SPMIP2: variants seen among roughly 807,000 people sequenced by gnomAD.
The protein encoded by SPMIP2 is protein SPMIP2.
At chr4:159,077,004 T>A in the SPMIP2 span, among the ~76,000 whole-genome samples, 1 of 151,796 alleles carries the variant, frequency 6.6e-6, no homozygotes, top group African/African-American at 2.4e-5. Context: ...CCTGGGTAAT[T>A]TTTGTATTTT....
chr4:159,056,253 C>A, the SPMIP2 span, among the ~76,000 whole-genome samples: 1 of 152,186 alleles, frequency 6.6e-6, no homozygotes, highest in Non-Finnish European at 1.5e-5. Flanking sequence ...AACACTGTTT[C>A]TTTGACAGAT....
chr4:158,946,790 T>G, the SPMIP2 span, among the ~76,000 whole-genome samples: 1 of 152,216 alleles, frequency 6.6e-6, no homozygotes, highest in Admixed American at 6.5e-5. Context: ...TGATCAATCA[T>G]GTATTAGGCT....
At chr4:159,021,481 C>T in the SPMIP2 span, among the ~76,000 whole-genome samples, 1 of 152,170 alleles carries the variant, frequency 6.6e-6, no homozygotes, top group African/African-American at 2.4e-5. Context: ...CTTATTTAAC[C>T]ATGATTAATG....
At chr4:159,007,430 GC>G in the SPMIP2 span, 1 of 671,386 alleles carries the variant, frequency 1.5e-6, no homozygotes, top group Admixed American at 1.8e-5. Flanking sequence ...GTTCCTGCTT[GC>G]CCTGGTTAAG....
the SPMIP2 span, among the ~76,000 whole-genome samples, chr4:158,982,355 G>A: frequency 6.6e-6 from 1 of 152,090 alleles, no homozygotes; most frequent in Admixed American, 6.6e-5. Flanking sequence ...ACTTGAACTC[G>A]GCTCTGGACG....
chr4:159,070,113 T>C, the SPMIP2 span, among the ~76,000 whole-genome samples: 8 of 151,974 alleles, frequency 5.3e-5, no homozygotes, highest in Admixed American at 3.9e-4. Context: ...GGACAGATGG[T>C]TCTTATTACA....
At chr4:159,019,935 G>A in the SPMIP2 span, among the ~76,000 whole-genome samples, 3 of 151,986 alleles carry the variant, frequency 2.0e-5, no homozygotes, top group Admixed American at 6.6e-5. Flanking sequence ...TAAATGGGCC[G>A]GGCACGGTGG....
the SPMIP2 span, among the ~76,000 whole-genome samples, chr4:158,982,825 AG>A: frequency 6.6e-6 from 1 of 152,208 alleles, no homozygotes; most frequent in Non-Finnish European, 1.5e-5. Context: ...GACTTTGACA[AG>A]TTGAGAGAAG....
At chr4:158,928,477 T>C in the SPMIP2 span, among the ~76,000 whole-genome samples, 6 of 152,118 alleles carry the variant, frequency 3.9e-5, 1 homozygote, top group East Asian at 1.2e-3. Flanking sequence ...AACCTTTGTG[T>C]CCACACTCTG....
At chr4:159,021,241 C>T in the SPMIP2 span, among the ~76,000 whole-genome samples, 1 of 152,240 alleles carries the variant, frequency 6.6e-6, no homozygotes, top group East Asian at 1.9e-4. Context: ...CTTCTAGAGT[C>T]ATCCTCCAAA....
the SPMIP2 span, among the ~76,000 whole-genome samples, chr4:158,926,452 G>A: frequency 6.6e-6 from 1 of 151,690 alleles, no homozygotes; most frequent in African/African-American, 2.4e-5. Flanking sequence ...GGTTATTTAA[G>A]TTTATTGTTT....
chr4:158,943,340 T>C, the SPMIP2 span, among the ~76,000 whole-genome samples: 14 of 152,194 alleles, frequency 9.2e-5, no homozygotes, highest in South Asian at 2.1e-4. Context: ...TCCTATATCA[T>C]GGTGGCTTAA....
the SPMIP2 span, among the ~76,000 whole-genome samples, chr4:158,984,244 A>T: frequency 2.6e-5 from 1 of 37,994 alleles, no homozygotes; most frequent in African/African-American, 7.9e-5. Flanking sequence ...GTTAACAAGG[A>T]TACCCAGGAA....
chr4:158,925,491 A>C, the SPMIP2 span, among the ~76,000 whole-genome samples: 2 of 152,174 alleles, frequency 1.3e-5, no homozygotes, highest in Non-Finnish European at 2.9e-5. Context: ...GTTTCATGGA[A>C]GACAATTTTT....
the SPMIP2 span, among the ~76,000 whole-genome samples, chr4:159,048,771 G>A: frequency 3.1e-5 from 3 of 97,950 alleles, no homozygotes; most frequent in Non-Finnish European, 3.8e-5. Flanking sequence ...GTGTCCCTAT[G>A]TTGCCCAGGT....
the SPMIP2 span, among the ~76,000 whole-genome samples, chr4:158,959,593 A>T: frequency 1.3e-5 from 2 of 152,198 alleles, 1 homozygote; most frequent in Admixed American, 1.3e-4. Context: ...TTCAACAATT[A>T]AAAGTGAAGT....
At chr4:158,948,128 T>C in the SPMIP2 span, among the ~76,000 whole-genome samples, 35,147 of 152,084 alleles carry the variant, frequency 0.23, 4,435 homozygotes, top group Non-Finnish European at 0.29. Flanking sequence ...CCTGTCTGAA[T>C]TGAAAGTTCC....
the SPMIP2 span, among the ~76,000 whole-genome samples, chr4:158,952,917 G>A: frequency 1.3e-5 from 2 of 152,242 alleles, no homozygotes; most frequent in East Asian, 1.9e-4. Context: ...CGTATCTGGT[G>A]GAAGAAATTT....
the SPMIP2 span, among the ~76,000 whole-genome samples, chr4:159,023,102 T>G: frequency 6.6e-6 from 1 of 151,812 alleles, no homozygotes. Context: ...GTATATAGTG[T>G]GTGTGTCAAC....
Sources: gnomAD v4.1 joint callset for allele counts (sites outside exome capture counted in the v4.1 genomes callset) on GRCh38, gnomAD v4.1.1 for gene constraint, MANE v1.5 for transcripts, NCBI Gene and HGNC (gene_info 2026-07-23, HGNC 2026-07-21) for gene names.